The following NAV1 variants were observed in gnomAD, a reference collection of about 807,000 sequenced individuals.
NAV1 encodes pore membrane and/or filament interacting like protein 3.
In NAV1, 18 loss-of-function variants were observed where a neutral mutation model predicts 175.2. The ratio of observed to expected loss-of-function variants is 0.10; its 90% CI spans 0.07 to 0.15. The LOEUF (loss-of-function observed/expected upper bound fraction) is 0.15, where lower values mean the gene tolerates loss of function less well. NAV1 is among the 10% of genes least tolerant of loss of function. The pLI, the probability that NAV1 is intolerant of heterozygous loss-of-function variation, is 1.00. For missense variants in NAV1, 1,731 were observed against 2,436.6 expected, an observed-to-expected ratio of 0.71 and a Z score of 6.10; for synonymous variants, 897 against 978.7, an observed-to-expected ratio of 0.92 and a Z score of 1.56.
chr1:201,627,991 C>T (rs1209784578), intron 1 of NAV1, among the ~76,000 whole-genome samples: 1 of 151,586 alleles, frequency 6.6e-6, no homozygotes, highest in African/African-American at 2.4e-5. Flanking sequence ...ATATGAAAAT[C>T]AGCTAGGCGT....
intron 1 of NAV1, among the ~76,000 whole-genome samples, chr1:201,706,254 G>GGTGT (rs71138350): frequency 0.046 from 6,913 of 148,800 alleles, 166 homozygotes; most frequent in Middle Eastern, 0.086. Flanking sequence ...ATTAAGAAGG[G>GGTGT]GTGTGTGTGT....
At chr1:201,540,608 C>A (rs1665485479) in intron 1 of NAV1, among the ~76,000 whole-genome samples, 1 of 152,192 alleles carries the variant, frequency 6.6e-6, no homozygotes, top group Non-Finnish European at 1.5e-5. Context: ...ATATATGATT[C>A]CAGCTTGCTT....
chr1:201,607,106 A>G (rs747940467), intron 2 of NAV1, among the ~76,000 whole-genome samples: 5 of 148,626 alleles, frequency 3.4e-5, no homozygotes, highest in Non-Finnish European at 7.4e-5. Flanking sequence ...GTGGTCAAAT[A>G]ATTTTTTTCT....
intron 1 of NAV1, among the ~76,000 whole-genome samples, chr1:201,653,089 A>G (rs1312763874): frequency 6.6e-6 from 1 of 152,226 alleles, no homozygotes; most frequent in Non-Finnish European, 1.5e-5. Flanking sequence ...AGTTTCTACC[A>G]AATGTATTAC....
At chr1:201,674,707 T>G (rs950487698) in intron 1 of NAV1, among the ~76,000 whole-genome samples, 1 of 151,922 alleles carries the variant, frequency 6.6e-6, no homozygotes, top group African/African-American at 2.4e-5. Flanking sequence ...GAGAGAGTTG[T>G]GGGGGTAAGT....
chr1:201,561,463 A>T lies in NAV1; in HGVS notation c.-144+22121A>T, dbSNP rs191055450. On this transcript the variant is annotated intron_variant, in intron 1 of 33. Transcript: ENST00000685211. ...TTACTTACTTACTAGCTGGGTAACT[A>T]ACCAGGGTGCTTTAGTTTCCTTGAC... Among the ~76,000 whole-genome samples the T allele has an allele frequency of 4.1e-4, 63 of 152,348 alleles. 1 individual carries two copies. Among genetic ancestry groups the T allele is most frequent in the Non-Finnish European group, 7.4e-4 (50 of 68,024 alleles).
intron 1 of NAV1, among the ~76,000 whole-genome samples, chr1:201,583,710 A>G (rs1854077): frequency 0.046 from 7,060 of 152,282 alleles, 186 homozygotes; most frequent in Middle Eastern, 0.068. Context: ...GAGCTGTTGA[A>G]GTTGCCAGCT....
intron 3 of NAV1, among the ~76,000 whole-genome samples, chr1:201,733,659 G>A (rs1672963936): frequency 6.6e-6 from 1 of 152,164 alleles, no homozygotes; most frequent in Non-Finnish European, 1.5e-5. Context: ...TTTGAGAGTG[G>A]ATAGTCAGGG....
intron 2 of NAV1, among the ~76,000 whole-genome samples, chr1:201,609,611 A>T (rs904147679): frequency 2.6e-5 from 4 of 152,170 alleles, no homozygotes; most frequent in Admixed American, 2.6e-4. Context: ...AAATAATAAT[A>T]AAGCAAGTGT....
At chr1:201,576,687 A>T (rs949865559) in intron 1 of NAV1, among the ~76,000 whole-genome samples, 2 of 152,172 alleles carry the variant, frequency 1.3e-5, no homozygotes, top group African/African-American at 4.8e-5. Context: ...GTTGCAAGTT[A>T]ATTTTTTTAA....
chr1:201,780,822 G>A (rs1676276862), intron 4 of NAV1, among the ~76,000 whole-genome samples, 190 bp from the exon 9 acceptor site: 1 of 151,068 alleles, frequency 6.6e-6, no homozygotes, highest in South Asian at 2.1e-4. Context: ...TATTCCAACT[G>A]GAGAAAAAGA....
Position 201,813,377 on chromosome 1 carries a change from A to G in NAV1, c.5340+119A>G. On this transcript the variant is annotated intron_variant, in intron 28 of 29. Coordinates refer to ENST00000367296, the Ensembl canonical transcript of NAV1. The surrounding 1 kb of genome is among the most constrained non-coding windows in gnomAD (Gnocchi z 4.2). ...GGATTAGTTAGGTTCTCTTTCTAAC[A>G]GGTGGAGCAAGGCACTGGGTAGACT... 1.5e-6 allele frequency: 1 copy of G among 673,798 alleles called. No homozygotes were observed. Among genetic ancestry groups the G allele is most frequent in the Non-Finnish European group, 2.5e-6 (1 of 394,500 alleles). 41.7% of individuals were successfully genotyped at this position (673,798 alleles called of 1,614,324 possible).
intron 1 of NAV1, among the ~76,000 whole-genome samples, chr1:201,578,121 C>T (rs553700314): frequency 3.3e-5 from 5 of 152,278 alleles, no homozygotes; most frequent in African/African-American, 7.2e-5. Flanking sequence ...TTCAATAACA[C>T]GAAAGTTAGA....
intron 15 of NAV1, chr1:201,796,740 A>G (rs559172483): frequency 1.2e-4 from 18 of 152,298 alleles, no homozygotes; most frequent in Non-Finnish European, 2.1e-4. Context: ...CTTAATGGCT[A>G]ATACCAAGCA....
At chr1:201,680,880 A>G (rs1013642818) in intron 1 of NAV1, among the ~76,000 whole-genome samples, 2 of 152,158 alleles carry the variant, frequency 1.3e-5, no homozygotes, top group Non-Finnish European at 2.9e-5. Flanking sequence ...CCCAGCTGTG[A>G]TCGCAACGCC....
Position 201,775,529 on chromosome 1 carries a change from T to A in NAV1, c.1227-4892T>A, listed in dbSNP as rs193263759. Among the ~76,000 whole-genome samples, 449 of 152,272 alleles carry A rather than the reference T, an allele frequency of 2.9e-3. 1 individual carries two copies. The highest frequency in any genetic ancestry group is 4.8e-3 in the Non-Finnish European group (329 of 68,014). On this transcript the variant is annotated intron_variant, in intron 3 of 29. Transcript: ENST00000367296. ...TTATAATGAGTGTCCCAGTCTTCCA[T>A]ATAAGCAAACAGCCAAGCTTCATCA...
chr1:201,547,326 A>G (rs35747893), intron 1 of NAV1, among the ~76,000 whole-genome samples: 62,817 of 151,982 alleles, frequency 0.41, 15,281 homozygotes, highest in Non-Finnish European at 0.57. Context: ...CAGCACCACA[A>G]TCATACCCGT....
intron 1 of NAV1, among the ~76,000 whole-genome samples, chr1:201,703,775 C>T (rs545553785): frequency 4.1e-4 from 63 of 152,324 alleles, no homozygotes; most frequent in Admixed American, 3.1e-3. Context: ...TGGGGCTGCC[C>T]TGTGGTCACT....
At chr1:201,597,560 A>G (rs1228033332) in intron 2 of NAV1, among the ~76,000 whole-genome samples, 1 of 152,226 alleles carries the variant, frequency 6.6e-6, no homozygotes, top group Non-Finnish European at 1.5e-5. Flanking sequence ...CACAGGCTGC[A>G]GAGCCCGTGC....
Sources: allele counts gnomAD v4.1 joint callset (sites outside exome capture counted in the v4.1 genomes callset), GRCh38; gene constraint gnomAD v4.1.1; non-coding constraint Gnocchi (gnomAD v3.1); transcripts MANE v1.5; gene names NCBI Gene and HGNC (gene_info 2026-07-23, HGNC 2026-07-21).